HMGA2: variants seen among roughly 807,000 people sequenced by gnomAD.
The protein encoded by HMGA2 is high mobility group protein HMGI-C.
In HMGA2, 8 loss-of-function variants were observed where a neutral mutation model predicts 19.1. That is an observed-to-expected ratio of 0.42 (90% CI 0.25 to 0.76). The LOEUF (loss-of-function observed/expected upper bound fraction) is 0.76. Among genes scored for constraint, HMGA2 ranks in the 30% least tolerant of loss-of-function variants. The pLI is 0.28. For synonymous variants in HMGA2, 60 were observed against 48.8 expected (o/e 1.23, Z -0.96); for missense variants, 109 against 136.3 (o/e 0.80, Z 1.00).
chr12:65,869,301 C>G (rs567151501), intron 3 of HMGA2, among the ~76,000 whole-genome samples: 1 of 152,156 alleles, frequency 6.6e-6, no homozygotes, highest in Non-Finnish European at 1.5e-5. Context: ...AAGACGACAG[C>G]AACAACTAGG....
At chr12:65,859,238 C>G (rs181010459) in intron 3 of HMGA2, 2 of 152,256 alleles carry the variant, frequency 1.3e-5, no homozygotes, top group African/African-American at 4.8e-5. Context: ...ATCAATAGCA[C>G]CCCTTTCACT....
intron 3 of HMGA2, among the ~76,000 whole-genome samples, chr12:65,870,018 A>T (rs75335059): frequency 7.2e-6 from 1 of 138,472 alleles, no homozygotes; most frequent in Non-Finnish European, 1.5e-5. Context: ...CATGATTTGC[A>T]AAAAAAAAAA....
At position 65,925,404 on chromosome 12, in the gene HMGA2, A is replaced by C. The variant is rs141750421; in HGVS notation, c.250-25979A>C. On this transcript the variant is annotated intron_variant, in intron 3 of 4. Coordinates refer to ENST00000403681, the MANE Select transcript of HMGA2 (RefSeq NM_003483.6). Reference sequence around the variant, plus strand: ...ACATCTTAGGCAATTTTTAGTTCCAAGAACTTAGCCTGACCAAGTAACCTG... The same window carrying C: ...ACATCTTAGGCAATTTTTAGTTCCACGAACTTAGCCTGACCAAGTAACCTG... 5.5e-3 allele frequency among the ~76,000 whole-genome samples: 839 copies of C among 152,312 alleles called. 6 individuals carry two copies. The highest frequency in any genetic ancestry group is 0.017 in the Middle Eastern group (5 of 294).
chr12:65,914,768 A>G (rs774162052), intron 3 of HMGA2: 77 of 380,080 alleles, frequency 2.0e-4, no homozygotes, highest in Non-Finnish European at 2.6e-4. Flanking sequence ...TCCACCTCCC[A>G]GGTTCAAGCA....
chr12:65,901,889 C>G (rs1874387050), intron 3 of HMGA2, among the ~76,000 whole-genome samples: 1 of 152,078 alleles, frequency 6.6e-6, no homozygotes, highest in Non-Finnish European at 1.5e-5. Flanking sequence ...CACACACACA[C>G]AAACCTAAGA....
At chr12:65,841,585 T>G (rs925249860) in intron 3 of HMGA2, among the ~76,000 whole-genome samples, 8 of 152,254 alleles carry the variant, frequency 5.3e-5, no homozygotes, top group African/African-American at 1.9e-4. Flanking sequence ...GGAAATGGGC[T>G]TATACTTTAT....
chr12:65,860,236 C>T (rs903381119), intron 3 of HMGA2: 3 of 232,184 alleles, frequency 1.3e-5, no homozygotes, highest in African/African-American at 6.7e-5. Flanking sequence ...ATTAAATATG[C>T]TCGGAACACT....
chr12:65,847,976 T>G (rs754929821), intron 3 of HMGA2, among the ~76,000 whole-genome samples: 2 of 152,212 alleles, frequency 1.3e-5, no homozygotes, highest in Non-Finnish European at 2.9e-5. Context: ...TACAGCAGGT[T>G]TTTTTTAAAA....
intron 3 of HMGA2, among the ~76,000 whole-genome samples, chr12:65,891,108 A>G (rs906856238): frequency 6.6e-6 from 1 of 152,144 alleles, no homozygotes; most frequent in African/African-American, 2.4e-5. Flanking sequence ...CATTGGAACC[A>G]GTTGACTTTT....
At chr12:65,913,914 A>G (rs142109607) in intron 3 of HMGA2, among the ~76,000 whole-genome samples, 2 of 152,320 alleles carry the variant, frequency 1.3e-5, no homozygotes, top group African/African-American at 4.8e-5. Context: ...CCTGGCACTT[A>G]TGGAGCCTAG....
At chr12:65,910,812 T>TA (rs374623227) in intron 3 of HMGA2, among the ~76,000 whole-genome samples, 8 of 152,090 alleles carry the variant, frequency 5.3e-5, no homozygotes, top group African/African-American at 1.7e-4. Flanking sequence ...TTTTGACTTA[T>TA]AAAAAAAAGG....
chr12:65,899,794 T>A (rs1874297221), intron 3 of HMGA2, among the ~76,000 whole-genome samples: 2 of 152,230 alleles, frequency 1.3e-5, no homozygotes, highest in African/African-American at 4.8e-5. Flanking sequence ...TTTTAATTTA[T>A]AGATATCCCA....
chr12:65,842,819 C>A, intron 3 of HMGA2: 1 of 1,357,666 alleles, frequency 7.4e-7, no homozygotes, highest in Non-Finnish European at 9.5e-7. Flanking sequence ...GAAAGGAGCT[C>A]GTCACATACC....
At chr12:65,883,512 T>C (rs896093562) in intron 3 of HMGA2, among the ~76,000 whole-genome samples, 9 of 152,218 alleles carry the variant, frequency 5.9e-5, no homozygotes, top group African/African-American at 2.2e-4. Flanking sequence ...AGAAGTTAAA[T>C]AACTTGTTCA....
chr12:65,921,812 G>C lies in HMGA2; in HGVS notation c.250-29571G>C, dbSNP rs1875324478. On this transcript the variant is annotated intron_variant, in intron 3 of 4. Transcript: ENST00000403681. ...AAGTGGTTTTGTGGGCCAGGCCCAG[G>C]GTCCCCATGCTGTGTGCAGCCTACG... Among the ~76,000 whole-genome samples, 3 of 152,164 alleles carry C rather than the reference G, an allele frequency of 2.0e-5. No homozygotes were observed. In the South Asian group the frequency reaches 6.2e-4, roughly 32 times the overall value.
At chr12:65,866,790 T>A (rs1047587292) in intron 3 of HMGA2, 15 of 454,838 alleles carry the variant, frequency 3.3e-5, no homozygotes, top group Middle Eastern at 3.2e-4. Flanking sequence ...AAAAAAAAAA[T>A]CACTAACACT....
intron 3 of HMGA2, among the ~76,000 whole-genome samples, chr12:65,899,197 C>T (rs987581462): frequency 2.0e-5 from 3 of 152,088 alleles, no homozygotes; most frequent in Non-Finnish European, 4.4e-5. Context: ...GTTTATAACT[C>T]GTGCTTCCGA....
intron 2 of HMGA2, among the ~76,000 whole-genome samples, chr12:65,837,350 T>C (rs1870778113): frequency 6.6e-6 from 1 of 152,204 alleles, no homozygotes; most frequent in South Asian, 2.1e-4. Flanking sequence ...TTGTCAACTA[T>C]CATGTAAAGC....
intron 2 of HMGA2, among the ~76,000 whole-genome samples, chr12:65,833,132 T>G (rs1348520427): frequency 6.6e-6 from 1 of 152,016 alleles, no homozygotes; most frequent in African/African-American, 2.4e-5. Context: ...TGATAGCAAA[T>G]TGTAATGTCT....
Sources: gnomAD v4.1 joint callset for allele counts (sites outside exome capture counted in the v4.1 genomes callset) on GRCh38, gnomAD v4.1.1 for gene constraint, MANE v1.5 for transcripts, NCBI Gene and HGNC (gene_info 2026-07-23, HGNC 2026-07-21) for gene names.